Variants in NCOA3 observed in about 807,000 individuals in gnomAD.
NCOA3 encodes the protein nuclear receptor coactivator 3, also known as CBP-interacting protein.
In NCOA3, 51 loss-of-function variants were observed where a neutral mutation model predicts 158.8. The observed-to-expected ratio is 0.32, with a 90% confidence interval of 0.26 to 0.41. The LOEUF (loss-of-function observed/expected upper bound fraction) is 0.41, where lower values mean the gene tolerates loss of function less well. Ranked by LOEUF, NCOA3 falls within the 10% of genes least tolerant of loss-of-function variation. The probability of loss-of-function intolerance (pLI) is 1.00; values close to 1 mark genes in which losing one functional copy is unlikely to be tolerated. For synonymous variants in NCOA3, 537 were observed against 592.4 expected, an observed-to-expected ratio of 0.91 and a Z score of 1.36; for missense variants, 1,510 against 1,746.6, an observed-to-expected ratio of 0.86 and a Z score of 2.41.
chr20:47,637,318 G>A (rs2086530965), intron 12 of NCOA3, among the ~76,000 whole-genome samples: 1 of 152,160 alleles, frequency 6.6e-6, no homozygotes, highest in South Asian at 2.1e-4. Context: ...TTTTCAGAAG[G>A]TTTGTGTAGA....
chr20:47,632,686 C>T (rs1394112116), intron 8 of NCOA3, among the ~76,000 whole-genome samples: 1 of 113,426 alleles, frequency 8.8e-6, no homozygotes, highest in African/African-American at 3.7e-5. Context: ...GTTGCTGGCC[C>T]GAGTTTTTTT....
At chr20:47,632,961 G>A (rs1427153999) in intron 8 of NCOA3, among the ~76,000 whole-genome samples, 1 of 152,142 alleles carries the variant, frequency 6.6e-6, no homozygotes, top group Non-Finnish European at 1.5e-5. Context: ...GATTACAGGC[G>A]TGAGGCACCG....
intron 2 of NCOA3, among the ~76,000 whole-genome samples, chr20:47,616,615 A>G (rs2086144135): frequency 6.6e-6 from 1 of 152,222 alleles, no homozygotes; most frequent in Non-Finnish European, 1.5e-5. Flanking sequence ...TGGCTCATGG[A>G]TCTGGATGAT....
intron 1 of NCOA3, among the ~76,000 whole-genome samples, chr20:47,572,732 T>G (rs1457851315): frequency 6.6e-6 from 1 of 152,122 alleles, no homozygotes; most frequent in Admixed American, 6.6e-5. Flanking sequence ...AGATGGGGTT[T>G]CACCATGTTT....
chr20:47,617,207 C>T (rs914261561), intron 2 of NCOA3, among the ~76,000 whole-genome samples: 3 of 152,206 alleles, frequency 2.0e-5, no homozygotes, highest in South Asian at 2.1e-4. Context: ...CCACCCGCCT[C>T]GGCCTCCCAA....
chr20:47,649,541 C>G (rs2086747667), intron 19 of NCOA3, among the ~76,000 whole-genome samples: 2 of 152,010 alleles, frequency 1.3e-5, no homozygotes, highest in Admixed American at 1.3e-4. Context: ...CTGAGATGAC[C>G]TGTTTCTTGT....
At chr20:47,624,294 T>C (rs189592876) in intron 4 of NCOA3, among the ~76,000 whole-genome samples, 6 of 152,328 alleles carry the variant, frequency 3.9e-5, no homozygotes, top group Admixed American at 6.5e-5. Context: ...CACCATAATA[T>C]AGAAATCAGT....
intron 11 of NCOA3, 21 bp from the exon 12 acceptor site, chr20:47,635,870 T>C: frequency 1.9e-6 from 3 of 1,571,694 alleles, no homozygotes; most frequent in Non-Finnish European, 2.6e-6. Flanking sequence ...ATTCTTTTCC[T>C]AAATTTTTTT....
intron 2 of NCOA3, among the ~76,000 whole-genome samples, chr20:47,585,800 A>G (rs1459525902): frequency 6.6e-6 from 1 of 152,152 alleles, no homozygotes; most frequent in Non-Finnish European, 1.5e-5. Context: ...GACATTTCAA[A>G]TGGTACTTTA....
intron 8 of NCOA3, among the ~76,000 whole-genome samples, chr20:47,629,943 G>T (rs571604896): frequency 1.3e-5 from 2 of 152,276 alleles, no homozygotes; most frequent in South Asian, 4.1e-4. Context: ...ACATGATGGA[G>T]AAAAAAATTG....
chr20:47,653,293 TCAGC>T, intron 22 of NCOA3, 109 bp from the exon 23 acceptor site: 1 of 1,347,466 alleles, frequency 7.4e-7, no homozygotes, highest in South Asian at 1.3e-5. Flanking sequence ...CCTGAATCAC[TCAGC>T]CAGAGCTGCA....
At chr20:47,633,930 T>A (rs1245200532) in intron 9 of NCOA3, 118 bp from the exon 10 acceptor site, 4 of 1,308,234 alleles carry the variant, frequency 3.1e-6, no homozygotes, top group African/African-American at 3.0e-5. Context: ...TTGGTGCAGA[T>A]CCAGTCTTTC....
intron 3 of NCOA3, 27 bp from the exon 4 acceptor site, chr20:47,623,884 C>A: frequency 6.3e-7 from 1 of 1,593,082 alleles, no homozygotes; most frequent in Non-Finnish European, 8.5e-7. Flanking sequence ...TGTCTCCTTT[C>A]CCCCCTTTCT....
At chr20:47,608,145 T>C (rs2146271600) in intron 2 of NCOA3, among the ~76,000 whole-genome samples, 1 of 152,174 alleles carries the variant, frequency 6.6e-6, no homozygotes, top group African/African-American at 2.4e-5. Flanking sequence ...ACCCTGTCTC[T>C]ACTAAAAATA....
chr20:47,557,858 G>C (rs1032319538), intron 1 of NCOA3, among the ~76,000 whole-genome samples: 2 of 152,146 alleles, frequency 1.3e-5, no homozygotes, highest in Non-Finnish European at 2.9e-5. Flanking sequence ...ACCCAGTCTA[G>C]TTAAGGATGC....
At position 47,653,331 on chromosome 20, in the gene NCOA3, G is replaced by A. The variant is rs2086826528; in HGVS notation, c.4264-75G>A. 7.2e-6 allele frequency: 11 copies of A among 1,531,424 alleles called. No homozygotes were observed. In the South Asian group the frequency reaches 1.2e-4, roughly 16 times the overall value. The allele number at this position is 1,531,424 out of a possible 1,614,324, so 94.9% of individuals were successfully genotyped here. A position where few individuals can be genotyped will look rare whatever the true frequency, so the allele number is the denominator to read the frequency against. On this transcript the variant is annotated intron_variant, in intron 22 of 22. Coordinates refer to ENST00000371998, the MANE Select transcript of NCOA3 (RefSeq NM_181659.3). ...CACTGTAAGCCATGAATGTGGACAT[G>A]GGTATTTTTTTGTTGTGCAAAGCAT...
At chr20:47,627,491 G>C in intron 6 of NCOA3, 70 bp from the exon 7 acceptor site, 1 of 1,239,808 alleles carries the variant, frequency 8.1e-7, no homozygotes, top group Non-Finnish European at 1.1e-6. Context: ...AATGCAGCTT[G>C]AATTCTTGAT....
chr20:47,589,156 G>T (rs1356894574), intron 2 of NCOA3, among the ~76,000 whole-genome samples: 1 of 152,096 alleles, frequency 6.6e-6, no homozygotes, highest in African/African-American at 2.4e-5. Context: ...GCTTCCCAAA[G>T]TGCTTGGGAG....
rs769198350 is a variant in NCOA3, at chr20:47,540,680, G to A, written c.-99+38661G>A. ...TAAGGTCTTATCTCTTCTTCTCAAGGAATTTATAGTCTGTTTGGGGAGATG... is the reference window on the plus strand; with the variant it reads ...TAAGGTCTTATCTCTTCTTCTCAAGAAATTTATAGTCTGTTTGGGGAGATG... On this transcript the variant is annotated intron_variant, in intron 1 of 22. Transcript: ENST00000371998. 5.0e-4 allele frequency among the ~76,000 whole-genome samples: 76 copies of A among 152,212 alleles called. 1 individual carries two copies. The highest frequency in any genetic ancestry group is 6.8e-3 in the Middle Eastern group (2 of 292).
Sources: allele counts gnomAD v4.1 joint callset (sites outside exome capture counted in the v4.1 genomes callset), GRCh38; gene constraint gnomAD v4.1.1; transcripts MANE v1.5; gene names NCBI Gene and HGNC (gene_info 2026-07-23, HGNC 2026-07-21).